LGR6: variants seen among roughly 807,000 people sequenced by gnomAD.
LGR6 encodes the protein leucine-rich repeat-containing G protein-coupled receptor 6.
Under a neutral mutation model 69.4 loss-of-function variants are expected in LGR6, and 45 were observed. The ratio of observed to expected loss-of-function variants is 0.65; its 90% confidence interval spans 0.51 to 0.83. The LOEUF is 0.83. LGR6 is among the 40% of genes least tolerant of loss of function. The probability of loss-of-function intolerance (pLI) is 0.00; values close to 1 mark genes in which losing one functional copy is unlikely to be tolerated. For synonymous variants in LGR6, 538 were observed against 555.0 expected, an observed-to-expected ratio of 0.97 and a Z score of 0.43; for missense variants, 1,108 against 1,246.7, an observed-to-expected ratio of 0.89 and a Z score of 1.68.
chr1:202,307,495 A>G, intron 14 of LGR6, 94 bp downstream of exon 14: 3 of 1,012,234 alleles, frequency 3.0e-6, no homozygotes, highest in Admixed American at 1.7e-5. Flanking sequence ...CAGAGCAGGA[A>G]CATGCATATC....
intron 4 of LGR6, among the ~76,000 whole-genome samples, chr1:202,252,932 G>A (rs1663390383): frequency 1.3e-5 from 2 of 152,324 alleles, no homozygotes; most frequent in Middle Eastern, 3.4e-3. Flanking sequence ...ACATGCATGG[G>A]CACTCTCACC....
At chr1:202,276,139 A>T (rs1018514901) in intron 4 of LGR6, 167 bp from the exon 5 acceptor site, 14 of 592,140 alleles carry the variant, frequency 2.4e-5, no homozygotes, top group Non-Finnish European at 3.9e-5. Flanking sequence ...GGAGCCAAAT[A>T]TGGGAACTCG....
intron 1 of LGR6, among the ~76,000 whole-genome samples, chr1:202,215,027 G>GCA (rs1659678815): frequency 1.3e-5 from 2 of 151,604 alleles, no homozygotes; most frequent in African/African-American, 2.4e-5. Context: ...GTGTGCGCGC[G>GCA]CGCGCGTTGG....
chr1:202,203,366 CGAA>C (rs974578990), intron 1 of LGR6, among the ~76,000 whole-genome samples: 3 of 152,140 alleles, frequency 2.0e-5, no homozygotes, highest in Non-Finnish European at 4.4e-5. Flanking sequence ...TTCCTTTGCA[CGAA>C]GAAGAACAGC....
chr1:202,216,453 A>G (rs1374938399), intron 1 of LGR6, among the ~76,000 whole-genome samples: 1 of 152,154 alleles, frequency 6.6e-6, no homozygotes, highest in Non-Finnish European at 1.5e-5. Flanking sequence ...GTGTTCTAGA[A>G]CTGTGCTGTC....
At chr1:202,255,828 T>C (rs921716927) in intron 4 of LGR6, among the ~76,000 whole-genome samples, 8 of 152,230 alleles carry the variant, frequency 5.3e-5, no homozygotes, top group African/African-American at 1.4e-4. Context: ...ATTGTCTCTT[T>C]AAAATTGTGC....
At chr1:202,194,835 A>G (rs542406826) in intron 1 of LGR6, among the ~76,000 whole-genome samples, 1 of 152,176 alleles carries the variant, frequency 6.6e-6, no homozygotes, top group South Asian at 2.1e-4. Flanking sequence ...CCCTAAAGTC[A>G]TGTCCCAAGA....
At position 202,318,200 on chromosome 1, in the gene LGR6, G is replaced by T. The variant is rs916794548; in HGVS notation, c.1897G>T (p.Gly633Ter). The change falls in exon 18 of 18, where the codon GGA becomes TGA. Residue 633 changes from glycine to a stop codon, truncating the protein, a stop_gained. Coordinates refer to ENST00000367278, the MANE Select transcript of LGR6 (RefSeq NM_001017403.2). LOFTEE classifies it low-confidence loss of function (END_TRUNC). ...ALTFGQFSEY[G>*]ARWETGLGCR... Reference sequence around the variant, plus strand: ...GACCTTTGGTCAGTTCTCTGAGTACGGAGCCCGCTGGGAGACGGGGCTAGG... The same window carrying T: ...GACCTTTGGTCAGTTCTCTGAGTACTGAGCCCGCTGGGAGACGGGGCTAGG... 3.1e-6 allele frequency: 5 copies of T among 1,612,950 alleles called. No individual in the cohort carries two copies. Among genetic ancestry groups the T allele is most frequent in the Non-Finnish European group, 4.2e-6 (5 of 1,179,938 alleles).
chr1:202,304,688 C>CA, intron 11 of LGR6, 58 bp downstream of exon 11: 1 of 1,340,868 alleles, frequency 7.5e-7, no homozygotes, highest in Non-Finnish European at 1.1e-6. Context: ...CCATGTCCCA[C>CA]AAAAGGCCTC....
At chr1:202,229,499 C>T (rs1660833822) in intron 3 of LGR6, among the ~76,000 whole-genome samples, 1 of 152,252 alleles carries the variant, frequency 6.6e-6, no homozygotes, top group African/African-American at 2.4e-5. Flanking sequence ...GATTAGAGAG[C>T]AGGGCTCTGT....
At position 202,318,768 on chromosome 1, in the gene LGR6, T is replaced by C; in HGVS notation, c.2465T>C (p.Leu822Pro). The C allele has an allele frequency of 6.2e-7, 1 of 1,613,660 alleles. No homozygotes were observed. The highest frequency in any genetic ancestry group is 8.5e-7 in the Non-Finnish European group (1 of 1,180,018). ...GTGGTGCTGCCCCTGCCTGCCTGCC[T>C]CAACCCACTGCTGTACCTGCTCTTC... ...LLVVLPLPAC[L>P]NPLLYLLFNP... The change falls in exon 18 of 18, where the codon CTC (leucine) becomes CCC (proline). Residue 822 changes from leucine (L) to proline (P), a missense_variant. By Grantham distance (98) the Leu-to-Pro change is moderately conservative. Transcript: ENST00000367278.
chr1:202,250,587 G>C (rs572285129), intron 4 of LGR6, among the ~76,000 whole-genome samples: 1 of 151,746 alleles, frequency 6.6e-6, no homozygotes. Context: ...TGTATTTTTA[G>C]TAGAGATGGG....
intron 6 of LGR6, among the ~76,000 whole-genome samples, chr1:202,295,860 T>C (rs568408482): frequency 5.4e-5 from 8 of 148,580 alleles, no homozygotes; most frequent in African/African-American, 1.0e-4. Flanking sequence ...CTGAGGGTAA[T>C]TGGGTAATTA....
chr1:202,317,022 A>G (rs1263675598), intron 17 of LGR6, among the ~76,000 whole-genome samples: 4 of 152,188 alleles, frequency 2.6e-5, no homozygotes, highest in South Asian at 2.1e-4. Context: ...CAAGTATTCA[A>G]TGTGGTCTGT....
intron 4 of LGR6, among the ~76,000 whole-genome samples, chr1:202,257,275 C>T (rs1228960417): frequency 6.6e-6 from 1 of 152,038 alleles, no homozygotes; most frequent in East Asian, 1.9e-4. Flanking sequence ...TTTATCATAT[C>T]CTTTGAAGCA....
At chr1:202,204,598 AC>A in intron 1 of LGR6, among the ~76,000 whole-genome samples, 1 of 139,830 alleles carries the variant, frequency 7.2e-6, no homozygotes, top group African/African-American at 2.9e-5. Context: ...CTTCAAACAC[AC>A]ACACCTCCAA....
At chr1:202,239,445 T>A (rs535324453) in intron 4 of LGR6, among the ~76,000 whole-genome samples, 71 of 151,672 alleles carry the variant, frequency 4.7e-4, no homozygotes, top group African/African-American at 1.7e-3. Context: ...TTAGACGTGG[T>A]CATACCTGAA....
chr1:202,280,175 G>A (rs971877656), intron 5 of LGR6, among the ~76,000 whole-genome samples: 1 of 151,874 alleles, frequency 6.6e-6, no homozygotes, highest in Non-Finnish European at 1.5e-5. Context: ...CATCACTTCG[G>A]GTCCCCCTTT....
intron 4 of LGR6, among the ~76,000 whole-genome samples, chr1:202,238,517 G>A (rs1414575827): frequency 6.6e-6 from 1 of 150,404 alleles, no homozygotes. Flanking sequence ...TCCGCCTCCT[G>A]GGTTCAAGAG....
Sources: gnomAD v4.1 joint callset for allele counts (sites outside exome capture counted in the v4.1 genomes callset) on GRCh38, gnomAD v4.1.1 for gene constraint, MANE v1.5 for transcripts, NCBI Gene and HGNC (gene_info 2026-07-23, HGNC 2026-07-21) for gene names.